The following BCAS3 variants were observed in gnomAD, a reference collection of about 807,000 sequenced individuals.
BCAS3 encodes BCAS3 microtubule associated cell migration factor.
Under a neutral mutation model 116.1 loss-of-function variants are expected in BCAS3, and 53 were observed. The ratio of observed to expected loss-of-function variants is 0.46; its 90% CI spans 0.37 to 0.57. BCAS3 has a LOEUF of 0.57. BCAS3 is among the 20% of genes least tolerant of loss of function. The pLI is 0.00. For missense variants in BCAS3, 917 were observed against 1,165.4 expected (o/e 0.79, Z 3.10); for synonymous variants, 391 against 408.2 (o/e 0.96, Z 0.51).
chr17:61,166,505 C>A (rs182272807), intron 22 of BCAS3, among the ~76,000 whole-genome samples: 6 of 144,334 alleles, frequency 4.2e-5, no homozygotes, highest in Non-Finnish European at 6.0e-5. Flanking sequence ...TCAGGCAGTT[C>A]TCTTGCCTCT....
At chr17:61,168,821 G>T (rs750255465) in intron 22 of BCAS3, among the ~76,000 whole-genome samples, 3 of 152,128 alleles carry the variant, frequency 2.0e-5, no homozygotes, top group Non-Finnish European at 4.4e-5. Flanking sequence ...TACGGTTTTG[G>T]AATGACTTAT....
In BCAS3 at chr17:61,285,786, A is replaced by C. The variant is rs1171570718; in HGVS notation, c.2426-82541A>C. Among the ~76,000 whole-genome samples the C allele has an allele frequency of 2.0e-5, 3 of 152,310 alleles. No individual in the cohort carries two copies. In the East Asian group the frequency reaches 5.8e-4, roughly 29 times the overall value. On this transcript the variant is annotated intron_variant, in intron 22 of 23. Transcript: ENST00000407086. This position sits in a 1 kb window ranked among gnomAD's most constrained non-coding sequence, Gnocchi z 5.4. The stretch of plus-strand genomic sequence containing the variant: ...GAGCTGCGGATCTGCAGTTTCCCAA[A>C]GGTAAAGGAGCCTGCAGCTGAGCCT...
chr17:60,956,900 A>G lies in BCAS3; in HGVS notation c.1221+9548A>G, dbSNP rs552462672. ...ATCTGTTTGGCCCTCTTTGAGTACT[A>G]CAAAAGCATGTTTTTCTGGATTCTT... On this transcript the variant is annotated intron_variant, in intron 14 of 23. Transcript: ENST00000407086. The surrounding 1 kb of genome is among the most constrained non-coding windows in gnomAD (Gnocchi z 4.2). Among the ~76,000 whole-genome samples the G allele has an allele frequency of 2.4e-4, 36 of 152,288 alleles. No individual in the cohort carries two copies. The highest frequency in any genetic ancestry group is 9.6e-4 in the East Asian group (5 of 5,182).
rs565434410 is a variant in BCAS3, at chr17:61,346,765, G to A, written c.2426-21562G>A. On this transcript the variant is annotated intron_variant, in intron 22 of 23. Transcript: ENST00000407086. The surrounding 1 kb of genome is among the most constrained non-coding windows in gnomAD (Gnocchi z 5.4). Reference sequence around the variant, plus strand: ...AGTGTAGGAGAAGGCATGAAGGCAAGCCACTTCACCACAGTCTCATCTACG... The same window carrying A: ...AGTGTAGGAGAAGGCATGAAGGCAAACCACTTCACCACAGTCTCATCTACG... Among the ~76,000 whole-genome samples the A allele has an allele frequency of 1.3e-5, 2 of 152,340 alleles. No individual in the cohort carries two copies. Among genetic ancestry groups the A allele is most frequent in the South Asian group, 4.1e-4 (2 of 4,828 alleles).
chr17:61,046,048 ATATATAT>A (rs2068242359), intron 19 of BCAS3, among the ~76,000 whole-genome samples: 1 of 17,384 alleles, frequency 5.8e-5, no homozygotes, highest in Non-Finnish European at 8.0e-5. Context: ...TATATATATA[ATATATAT>A]ATTATATATA....
chr17:61,291,510 G>A lies in BCAS3; in HGVS notation c.2426-76817G>A, dbSNP rs1336810026. Reference sequence around the variant, plus strand: ...ATTTGCATTTTGAAGTTTGGAAAGGGTTCACACCTTTAAAATGTGGTTCAT... The same window carrying A: ...ATTTGCATTTTGAAGTTTGGAAAGGATTCACACCTTTAAAATGTGGTTCAT... On this transcript the variant is annotated intron_variant, in intron 22 of 23. Coordinates refer to ENST00000407086, the MANE Select transcript of BCAS3 (RefSeq NM_017679.5). Among the ~76,000 whole-genome samples the A allele has an allele frequency of 2.0e-5, 3 of 152,236 alleles. 1 individual carries two copies. The highest frequency in any genetic ancestry group is 6.8e-3 in the Middle Eastern group (2 of 294).
At chr17:61,238,982 A>T (rs772912298) in intron 22 of BCAS3, among the ~76,000 whole-genome samples, 8 of 151,840 alleles carry the variant, frequency 5.3e-5, no homozygotes, top group Non-Finnish European at 1.0e-4. Context: ...ACAAGCAAAC[A>T]GAAGTCCAAA....
chr17:61,311,976 A>G (rs1602597645), intron 22 of BCAS3, among the ~76,000 whole-genome samples: 1 of 152,206 alleles, frequency 6.6e-6, no homozygotes, highest in Non-Finnish European at 1.5e-5. Flanking sequence ...AATGTGAGGT[A>G]AGTAGGTCAT....
At chr17:60,921,481 C>T (rs951476081) in intron 12 of BCAS3, among the ~76,000 whole-genome samples, 45 of 151,240 alleles carry the variant, frequency 3.0e-4, no homozygotes, top group African/African-American at 9.9e-4. Flanking sequence ...GGCGTAGTGG[C>T]GGGCGCCTGT....
rs1220667879 is a variant in BCAS3, at chr17:61,241,775, T to TA, written c.2426-126551dup. 6.6e-6 allele frequency among the ~76,000 whole-genome samples: 1 copy of TA among 151,920 alleles called. No individual in the cohort carries two copies. The highest frequency in any genetic ancestry group is 1.5e-5 in the Non-Finnish European group (1 of 68,022). ...GTAAAATGAGTCTAAAAAATGTACT[T>TA]ACCTATTTTTTCTCTACTAACATCA... On this transcript the variant is annotated intron_variant, in intron 22 of 23. Transcript: ENST00000407086. The surrounding 1 kb of genome is among the most constrained non-coding windows in gnomAD (Gnocchi z 4.6).
At position 61,222,617 on chromosome 17, in the gene BCAS3, G is replaced by T. The variant is rs2082169963; in HGVS notation, c.2425+138053G>T. Among the ~76,000 whole-genome samples, 1 of 152,114 alleles carries T rather than the reference G, an allele frequency of 6.6e-6. No homozygotes were observed. Among genetic ancestry groups the T allele is most frequent in the African/African-American group, 2.4e-5 (1 of 41,410 alleles). ...TGTAGCTTAGTAATAACTGAACATG[G>T]TTAATTTGTTCTGGTTTATTGTTGA... is the stretch of plus-strand genomic sequence containing the variant. On this transcript the variant is annotated intron_variant, in intron 22 of 23. Transcript: ENST00000407086. The surrounding 1 kb of genome is among the most constrained non-coding windows in gnomAD (Gnocchi z 6.1).
chr17:61,131,137 A>G lies in BCAS3; in HGVS notation c.2425+46573A>G, dbSNP rs1237931090. Among the ~76,000 whole-genome samples, 6 of 152,204 alleles carry G rather than the reference A, an allele frequency of 3.9e-5. No individual in the cohort carries two copies. The highest frequency in any genetic ancestry group is 1.4e-4 in the African/African-American group (6 of 41,464). Reference sequence around the variant, plus strand: ...CTACCTAGCTAGGTTGACCTTTAACAAGTCTATTTAACTTTTTCTTAGGTT... The same window carrying G: ...CTACCTAGCTAGGTTGACCTTTAACGAGTCTATTTAACTTTTTCTTAGGTT... On this transcript the variant is annotated intron_variant, in intron 22 of 23. Transcript: ENST00000407086. The surrounding 1 kb of genome is among the most constrained non-coding windows in gnomAD (Gnocchi z 4.4).
intron 14 of BCAS3, among the ~76,000 whole-genome samples, chr17:60,973,402 A>T (rs1218014321): frequency 1.3e-5 from 2 of 152,096 alleles, no homozygotes; most frequent in Admixed American, 6.5e-5. Flanking sequence ...GGTGGCATCC[A>T]GTGAAGGAGT....
chr17:60,793,870 G>GT (rs530477001), intron 6 of BCAS3, among the ~76,000 whole-genome samples: 46 of 152,278 alleles, frequency 3.0e-4, no homozygotes, highest in Admixed American at 2.2e-3. Context: ...CTATAAACAT[G>GT]TGTGTGTAAG....
intron 9 of BCAS3, among the ~76,000 whole-genome samples, chr17:60,885,623 CT>C (rs2056565892): frequency 6.8e-6 from 1 of 147,700 alleles, no homozygotes; most frequent in Non-Finnish European, 1.5e-5. Context: ...TTCAGGAGCT[CT>C]TTTAGGGCAG....
chr17:61,165,164 T>C (rs1044957765), intron 22 of BCAS3, among the ~76,000 whole-genome samples: 1 of 152,222 alleles, frequency 6.6e-6, no homozygotes, highest in Non-Finnish European at 1.5e-5. Flanking sequence ...AATTATCTGG[T>C]ATATTTCAAA....
At position 61,139,193 on chromosome 17, in the gene BCAS3, G is replaced by C. The variant is rs184655037; in HGVS notation, c.2425+54629G>C. ...TTCTGAATTACGGATACATTCTTAG[G>C]CTTAAAGAGTACACATTTTTTCCCT... On this transcript the variant is annotated intron_variant, in intron 22 of 23. Coordinates refer to ENST00000407086, the MANE Select transcript of BCAS3 (RefSeq NM_017679.5). The surrounding 1 kb of genome is among the most constrained non-coding windows in gnomAD (Gnocchi z 4.7). Among the ~76,000 whole-genome samples, 1 of 152,168 alleles carries C rather than the reference G, an allele frequency of 6.6e-6. No homozygotes were observed. Among genetic ancestry groups the C allele is most frequent in the East Asian group, 1.9e-4 (1 of 5,170 alleles).
chr17:61,312,861 C>T (rs2054428399), intron 22 of BCAS3, among the ~76,000 whole-genome samples: 3 of 152,180 alleles, frequency 2.0e-5, no homozygotes, highest in Non-Finnish European at 4.4e-5. Context: ...TTCTAAGTGC[C>T]TGCCCTTTCT....
rs976072025 is a variant in BCAS3 at position 61,077,861 on chromosome 17, A to G, written c.2131-472A>G. On this transcript the variant is annotated intron_variant, in intron 20 of 23. Coordinates refer to ENST00000407086, the MANE Select transcript of BCAS3 (RefSeq NM_017679.5). The surrounding 1 kb of genome is among the most constrained non-coding windows in gnomAD (Gnocchi z 4.3). ...CTTTTCCTTGGATGGTTCAAGAACA[A>G]CTTCACGTTTGTCATAAGCTTGATC... 1.2e-4 allele frequency among the ~76,000 whole-genome samples: 19 copies of G among 152,212 alleles called. No individual in the cohort carries two copies. The highest frequency in any genetic ancestry group is 4.6e-4 in the African/African-American group (19 of 41,458).
Sources: gnomAD v4.1 joint callset for allele counts (sites outside exome capture counted in the v4.1 genomes callset) on GRCh38, gnomAD v4.1.1 for gene constraint, Gnocchi (gnomAD v3.1) non-coding constraint, MANE v1.5 for transcripts, NCBI Gene and HGNC (gene_info 2026-07-23, HGNC 2026-07-21) for gene names.